The following ATP8A2 variants were observed in gnomAD, a reference collection of about 807,000 sequenced individuals.
The protein encoded by ATP8A2 is ATPase phospholipid transporting 8A2, also known as phospholipid-transporting ATPase IB.
Under a neutral mutation model 165.6 loss-of-function variants are expected in ATP8A2, and 100 were observed. The observed-to-expected ratio is 0.60, with a 90% confidence interval of 0.51 to 0.71. The LOEUF (loss-of-function observed/expected upper bound fraction) is 0.71. Among genes scored for constraint, ATP8A2 ranks in the 30% least tolerant of loss-of-function variants. The probability of loss-of-function intolerance (pLI) is 0.00; values close to 1 mark genes in which losing one functional copy is unlikely to be tolerated. For missense variants in ATP8A2, 1,227 were observed against 1,479.5 expected, an observed-to-expected ratio of 0.83 and a Z score of 2.80; for synonymous variants, 543 against 548.8, an observed-to-expected ratio of 0.99 and a Z score of 0.15.
chr13:25,467,781 G>C (rs2137513379), intron 1 of ATP8A2, among the ~76,000 whole-genome samples: 1 of 152,252 alleles, frequency 6.6e-6, no homozygotes, highest in Non-Finnish European at 1.5e-5. Flanking sequence ...TCGATCTCCT[G>C]ACCTCGTGAT....
rs536791969 is a variant in ATP8A2 at position 25,711,043 on chromosome 13, C to T, written c.2384+11698C>T. Among the ~76,000 whole-genome samples, 7 of 152,202 alleles carry T rather than the reference C, an allele frequency of 4.6e-5. No homozygotes were observed. The East Asian group carries it at 7.7e-4, about 17-fold the overall frequency. On this transcript the variant is annotated intron_variant, in intron 25 of 36. Coordinates refer to ENST00000381655, the MANE Select transcript of ATP8A2 (RefSeq NM_016529.6). ...TTTCTGAGTCAGAGTCTCACTCTGTCGCCCAGGCTGGAATGCTGTGGTGCG... is the reference window on the plus strand; with the variant it reads ...TTTCTGAGTCAGAGTCTCACTCTGTTGCCCAGGCTGGAATGCTGTGGTGCG...
chr13:25,469,066 C>G lies in ATP8A2; in HGVS notation c.166C>G (p.Arg56Gly). 5 of 1,614,096 alleles carry G rather than the reference C, an allele frequency of 3.1e-6. No individual in the cohort carries two copies. Among genetic ancestry groups the G allele is most frequent in the Non-Finnish European group, 4.2e-6 (5 of 1,179,932 alleles). The change falls in exon 2 of 37, where the codon CGC (arginine) becomes GGC (glycine). Residue 56 changes from arginine (R) to glycine (G), a missense_variant. By Grantham distance (125) the Arg-to-Gly change is moderately radical. Around this residue, in one of 5 missense-constraint regions of ATP8A2, gnomAD observed 356 missense variants for 394.9 expected, o/e 0.90. Coordinates refer to ENST00000381655, the MANE Select transcript of ATP8A2 (RefSeq NM_016529.6). Reference sequence around the variant, plus strand: ...TGGAGACCAGCTGGAGGCACCCGCCCGCACCATTTACCTCAACCAACCGCA... The same window carrying G: ...TGGAGACCAGCTGGAGGCACCCGCCGGCACCATTTACCTCAACCAACCGCA... ...SVGDQLEAPA[R>G]TIYLNQPHLN...
At chr13:25,554,102 G>T (rs542088626) in intron 12 of ATP8A2, among the ~76,000 whole-genome samples, 182 bp downstream of exon 12, 59 of 152,306 alleles carry the variant, frequency 3.9e-4, no homozygotes, top group African/African-American at 1.0e-3. Context: ...GAATGGAAGG[G>T]CAGTGGTACC....
chr13:25,876,576 A>C (rs900729426), intron 33 of ATP8A2, among the ~76,000 whole-genome samples: 7 of 152,218 alleles, frequency 4.6e-5, no homozygotes, highest in African/African-American at 1.7e-4. Flanking sequence ...TACGTATGGC[A>C]TCAAAACAGA....
At chr13:25,408,386 C>T (rs1010344765) in intron 1 of ATP8A2, among the ~76,000 whole-genome samples, 3 of 99,314 alleles carry the variant, frequency 3.0e-5, no homozygotes, top group South Asian at 3.2e-4. Flanking sequence ...AGCAAGACTC[C>T]GTCTCAAAAA....
intron 25 of ATP8A2, among the ~76,000 whole-genome samples, chr13:25,740,879 C>A (rs975163959): frequency 1.3e-5 from 2 of 152,054 alleles, no homozygotes; most frequent in African/African-American, 4.8e-5. Context: ...AGACCTTTAG[C>A]GTGTTATCTC....
At chr13:25,878,304 C>G (rs545560101) in intron 33 of ATP8A2, among the ~76,000 whole-genome samples, 3 of 152,178 alleles carry the variant, frequency 2.0e-5, no homozygotes, top group African/African-American at 7.2e-5. Context: ...TTGAGTAATT[C>G]CATGTCATCC....
intron 33 of ATP8A2, among the ~76,000 whole-genome samples, chr13:25,915,331 A>G (rs1407857193): frequency 6.6e-6 from 1 of 152,228 alleles, no homozygotes; most frequent in Non-Finnish European, 1.5e-5. Context: ...TTGTCATTTA[A>G]TTAAAGGAAT....
At chr13:25,595,034 A>G (rs933605604) in intron 24 of ATP8A2, among the ~76,000 whole-genome samples, 1 of 150,482 alleles carries the variant, frequency 6.6e-6, no homozygotes, top group Non-Finnish European at 1.5e-5. Context: ...GTATATGTAT[A>G]TATATATATA....
intron 2 of ATP8A2, among the ~76,000 whole-genome samples, chr13:25,517,461 A>T (rs1316098099): frequency 6.6e-6 from 1 of 152,158 alleles, no homozygotes; most frequent in Non-Finnish European, 1.5e-5. Context: ...GTCCATAGTT[A>T]TTTGTTGAAT....
chr13:25,822,747 A>ATTAG (rs3053512), intron 27 of ATP8A2, among the ~76,000 whole-genome samples: 2,015 of 152,318 alleles, frequency 0.013, 43 homozygotes, highest in African/African-American at 0.046. Context: ...ATTTATAGAA[A>ATTAG]TTAGTTTCAA....
At chr13:25,721,202 T>G (rs897216056) in intron 25 of ATP8A2, among the ~76,000 whole-genome samples, 2 of 151,616 alleles carry the variant, frequency 1.3e-5, no homozygotes, top group Non-Finnish European at 2.9e-5. Flanking sequence ...TGACTTCAAG[T>G]GAGCTTTTTT....
rs566519819 is a variant in ATP8A2, at chr13:25,423,869, C to T, written c.77-45108C>T. 1.3e-5 allele frequency among the ~76,000 whole-genome samples: 2 copies of T among 152,236 alleles called. 1 individual carries two copies. The highest frequency in any genetic ancestry group is 4.1e-4 in the South Asian group (2 of 4,824). On this transcript the variant is annotated intron_variant, in intron 1 of 36. Transcript: ENST00000381655. Reference sequence around the variant, plus strand: ...TGTCTCCCTTTAAGGAATCTACAAGCCAGTGAACAGCAATGAGGTGTGTAC... The same window carrying T: ...TGTCTCCCTTTAAGGAATCTACAAGTCAGTGAACAGCAATGAGGTGTGTAC...
chr13:25,753,920 T>C (rs577500430), intron 25 of ATP8A2, among the ~76,000 whole-genome samples: 13 of 152,336 alleles, frequency 8.5e-5, no homozygotes, highest in South Asian at 6.2e-4. Flanking sequence ...CCAACATCCA[T>C]GTATGCTTTT....
At chr13:25,681,365 A>G (rs2042484215) in intron 24 of ATP8A2, among the ~76,000 whole-genome samples, 1 of 152,226 alleles carries the variant, frequency 6.6e-6, no homozygotes, top group Admixed American at 6.5e-5. Flanking sequence ...GATTTTTCCC[A>G]TATTGAGTGT....
intron 26 of ATP8A2, among the ~76,000 whole-genome samples, chr13:25,772,999 A>G (rs137977540): frequency 6.6e-6 from 1 of 152,110 alleles, no homozygotes; most frequent in Non-Finnish European, 1.5e-5. Flanking sequence ...GCCTTAGGTG[A>G]TCTGCCCGCC....
chr13:25,376,477 G>T (rs564731370), intron 1 of ATP8A2, among the ~76,000 whole-genome samples: 1 of 152,288 alleles, frequency 6.6e-6, no homozygotes, highest in South Asian at 2.1e-4. Flanking sequence ...GGGTTAAAGA[G>T]AATTGAATTC....
At chr13:25,809,795 A>T (rs767152471) in intron 27 of ATP8A2, among the ~76,000 whole-genome samples, 2 of 152,006 alleles carry the variant, frequency 1.3e-5, no homozygotes, top group African/African-American at 2.4e-5. Flanking sequence ...TTTCCCCCTC[A>T]ATCTCCAGCT....
chr13:25,745,101 C>T (rs2044002084), intron 25 of ATP8A2, among the ~76,000 whole-genome samples: 1 of 152,058 alleles, frequency 6.6e-6, no homozygotes, highest in Non-Finnish European at 1.5e-5. Context: ...CCACCACGCC[C>T]AGCTAATTTT....
Sources: allele counts gnomAD v4.1 joint callset (sites outside exome capture counted in the v4.1 genomes callset), GRCh38; gene constraint gnomAD v4.1.1; regional missense constraint gnomAD v4.1.1; transcripts MANE v1.5; gene names NCBI Gene and HGNC (gene_info 2026-07-23, HGNC 2026-07-21).